The following KCNIP4 variants were observed in gnomAD, a reference collection of about 807,000 sequenced individuals.
KCNIP4 encodes Kv channel-interacting protein 4.
Under a neutral mutation model 34.0 loss-of-function variants are expected in KCNIP4, and 12 were observed. That is an observed-to-expected ratio of 0.35 (90% CI 0.23 to 0.57). The LOEUF is 0.57. Among genes scored for constraint, KCNIP4 ranks in the 20% least tolerant of loss-of-function variants. KCNIP4 has a pLI of 0.83. For synonymous variants in KCNIP4, 124 were observed against 102.2 expected, an observed-to-expected ratio of 1.21 and a Z score of -1.29; for missense variants, 238 against 311.7, an observed-to-expected ratio of 0.76 and a Z score of 1.78.
chr4:20,800,844 A>T (rs1297714000), intron 3 of KCNIP4, among the ~76,000 whole-genome samples: 1 of 152,190 alleles, frequency 6.6e-6, no homozygotes, highest in Non-Finnish European at 1.5e-5. Context: ...ACAAGAGATT[A>T]AAAAAGGGAC....
chr4:21,078,493 G>T (rs977029763), intron 1 of KCNIP4, among the ~76,000 whole-genome samples: 1 of 151,910 alleles, frequency 6.6e-6, no homozygotes, highest in Non-Finnish European at 1.5e-5. Context: ...CATCTCTCTT[G>T]TGCCTCTTCT....
chr4:21,751,268 G>A (rs572329882), intron 1 of KCNIP4, among the ~76,000 whole-genome samples: 23 of 152,234 alleles, frequency 1.5e-4, no homozygotes, highest in African/African-American at 5.3e-4. Flanking sequence ...TGTTTGGATT[G>A]TATGCAAACA....
At chr4:21,747,152 G>A (rs1412420778) in intron 1 of KCNIP4, among the ~76,000 whole-genome samples, 5 of 152,084 alleles carry the variant, frequency 3.3e-5, no homozygotes, top group Non-Finnish European at 7.4e-5. Context: ...GTTGACATAA[G>A]TGATACCTTC....
intron 1 of KCNIP4, among the ~76,000 whole-genome samples, chr4:21,469,450 G>A (rs76369907): frequency 0.19 from 29,548 of 151,828 alleles, 3,423 homozygotes; most frequent in Non-Finnish European, 0.27. Context: ...TTTTTCAAGG[G>A]GAAAAAAGTC....
chr4:21,098,322 C>T (rs896010031), intron 1 of KCNIP4, among the ~76,000 whole-genome samples: 1 of 152,136 alleles, frequency 6.6e-6, no homozygotes, highest in South Asian at 2.1e-4. Context: ...TCAAGGTAGA[C>T]CAAATGGTCT....
chr4:21,471,759 T>G (rs541009408), intron 1 of KCNIP4, among the ~76,000 whole-genome samples: 1 of 152,276 alleles, frequency 6.6e-6, no homozygotes, highest in East Asian at 1.9e-4. Flanking sequence ...TACTCAGCTA[T>G]GGGCAAGATT....
chr4:20,817,524 C>A (rs1222822233), intron 3 of KCNIP4, among the ~76,000 whole-genome samples: 1 of 152,100 alleles, frequency 6.6e-6, no homozygotes, highest in Non-Finnish European at 1.5e-5. Flanking sequence ...CAAATATCAC[C>A]TTCCCCCTTT....
At chr4:20,735,379 A>G (rs1749334269) in intron 5 of KCNIP4, among the ~76,000 whole-genome samples, 1 of 152,170 alleles carries the variant, frequency 6.6e-6, no homozygotes, top group South Asian at 2.1e-4. Context: ...ATGAGGATTA[A>G]AAAAGAGGCT....
At chr4:21,715,272 C>G (rs1336922000) in intron 1 of KCNIP4, among the ~76,000 whole-genome samples, 1 of 151,504 alleles carries the variant, frequency 6.6e-6, no homozygotes, top group Non-Finnish European at 1.5e-5. Context: ...CCTGGGACTA[C>G]AGGCGCCCGC....
intron 1 of KCNIP4, among the ~76,000 whole-genome samples, chr4:21,520,656 G>A (rs1177881790): frequency 1.3e-5 from 2 of 152,136 alleles, no homozygotes; most frequent in African/African-American, 4.8e-5. Flanking sequence ...TTATGAAGAA[G>A]CCCACAGAGG....
At chr4:21,209,344 C>T (rs961567461) in intron 1 of KCNIP4, among the ~76,000 whole-genome samples, 1 of 152,090 alleles carries the variant, frequency 6.6e-6, no homozygotes, top group Non-Finnish European at 1.5e-5. Flanking sequence ...AACACTAGAA[C>T]TTATTCCTCC....
chr4:20,795,523 G>A (rs2149409263), intron 3 of KCNIP4, among the ~76,000 whole-genome samples: 2 of 152,096 alleles, frequency 1.3e-5, no homozygotes, highest in South Asian at 2.1e-4. Context: ...CTGAATCATA[G>A]TTAGTATTCT....
chr4:21,517,942 A>G (rs1346433484), intron 1 of KCNIP4, among the ~76,000 whole-genome samples: 2 of 152,106 alleles, frequency 1.3e-5, no homozygotes. Flanking sequence ...ATGTTATCCT[A>G]TTTATTCCAC....
At chr4:21,119,666 G>C (rs1369478393) in intron 1 of KCNIP4, among the ~76,000 whole-genome samples, 1 of 151,730 alleles carries the variant, frequency 6.6e-6, no homozygotes, top group East Asian at 2.0e-4. Context: ...ATAGAAATTG[G>C]GTTCTTTGTT....
At chr4:21,177,655 C>G (rs1391945363) in intron 1 of KCNIP4, among the ~76,000 whole-genome samples, 2 of 151,724 alleles carry the variant, frequency 1.3e-5, no homozygotes, top group Admixed American at 1.3e-4. Flanking sequence ...CATGACAAAA[C>G]CCGGTCTCTA....
At chr4:21,638,231 C>A (rs1161307099) in intron 1 of KCNIP4, among the ~76,000 whole-genome samples, 1 of 152,112 alleles carries the variant, frequency 6.6e-6, no homozygotes, top group Non-Finnish European at 1.5e-5. Flanking sequence ...CAATCAGGGG[C>A]AAATCAAGGC....
At chr4:21,831,857 A>C (rs1723009155) in intron 1 of KCNIP4, among the ~76,000 whole-genome samples, 2 of 152,090 alleles carry the variant, frequency 1.3e-5, no homozygotes, top group Non-Finnish European at 2.9e-5. Flanking sequence ...GCAAGAAAAG[A>C]AAATTACAGA....
chr4:21,468,043 T>C (rs1025318327), intron 1 of KCNIP4, among the ~76,000 whole-genome samples: 3 of 152,072 alleles, frequency 2.0e-5, no homozygotes, highest in African/African-American at 7.2e-5. Context: ...GAGTAACCCT[T>C]AGGGCAAATG....
chr4:21,928,173 G>A (rs987683437), intron 1 of KCNIP4, among the ~76,000 whole-genome samples: 4 of 149,230 alleles, frequency 2.7e-5, no homozygotes, highest in African/African-American at 9.8e-5. Flanking sequence ...TTTTCCCTTT[G>A]GATCTAGAGA....
Sources: allele counts gnomAD v4.1 joint callset (sites outside exome capture counted in the v4.1 genomes callset), GRCh38; gene constraint gnomAD v4.1.1; transcripts MANE v1.5; gene names NCBI Gene and HGNC (gene_info 2026-07-23, HGNC 2026-07-21).